APLP2: variants seen among roughly 807,000 people sequenced by gnomAD.
The protein encoded by APLP2 is amyloid beta precursor like protein 2.
APLP2 carries 53 observed loss-of-function variants against 89.9 expected under a neutral mutation model. That is an observed-to-expected ratio of 0.59 (90% CI 0.47 to 0.74). The LOEUF (loss-of-function observed/expected upper bound fraction) is 0.74, where lower values mean the gene tolerates loss of function less well. APLP2 is among the 30% of genes least tolerant of loss of function. The pLI, the probability that APLP2 is intolerant of heterozygous loss-of-function variation, is 0.00. For synonymous variants in APLP2, 372 were observed against 348.6 expected (o/e 1.07, Z -0.75); for missense variants, 973 against 975.9 (o/e 1.00, Z 0.04).
intron 1 of APLP2, among the ~76,000 whole-genome samples, chr11:130,092,119 C>T (rs1456973165): frequency 8.5e-6 from 1 of 118,082 alleles, no homozygotes; most frequent in Non-Finnish European, 1.7e-5. Flanking sequence ...ACATCTCAGA[C>T]GATGGGCGGC....
In APLP2 at chr11:130,123,343, A is replaced by G. The variant is rs561735550; in HGVS notation, c.923-269A>G. On this transcript the variant is annotated intron_variant, in intron 6 of 16. Coordinates refer to ENST00000338167, the MANE Select transcript of APLP2 (RefSeq NM_001142276.2). The surrounding 1 kb of genome is among the most constrained non-coding windows in gnomAD (Gnocchi z 4.0). Reference sequence around the variant, plus strand: ...GCTCTCGCAGCTGTGAGACAAAGGAATTGCTCTACGTCAATCTAAACTCAG... The same window carrying G: ...GCTCTCGCAGCTGTGAGACAAAGGAGTTGCTCTACGTCAATCTAAACTCAG... Among the ~76,000 whole-genome samples, 14 of 152,342 alleles carry G rather than the reference A, an allele frequency of 9.2e-5. No homozygotes were observed. Among genetic ancestry groups the G allele is most frequent in the Admixed American group, 7.2e-4 (11 of 15,308 alleles).
chr11:130,071,209 T>TA (rs60187155), intron 1 of APLP2, among the ~76,000 whole-genome samples: 21,698 of 152,214 alleles, frequency 0.14, 2,830 homozygotes, highest in African/African-American at 0.35. Context: ...AGCTTTCTTT[T>TA]AAAGACCTCA....
At chr11:130,140,698 C>T (rs1952257965) in intron 14 of APLP2, 1 of 385,108 alleles carries the variant, frequency 2.6e-6, no homozygotes, top group South Asian at 5.4e-5. Context: ...TAGCTCATCT[C>T]TTGCTATAGA....
At position 130,106,009 on chromosome 11, in the gene APLP2, T is replaced by C. The variant is rs570535448; in HGVS notation, c.106-3420T>C. Among the ~76,000 whole-genome samples the C allele has an allele frequency of 4.6e-5, 7 of 152,314 alleles. 1 individual carries two copies. The South Asian group carries it at 1.4e-3, about 32-fold the overall frequency. On this transcript the variant is annotated intron_variant, in intron 1 of 16. Transcript: ENST00000338167. ...TGAGCCCCCACGCCCGGCCGATGCC[T>C]GTGCTTTTCTCGTGCATGTCTGCAG...
chr11:130,121,883 T>C (rs1949866829), intron 5 of APLP2, 73 bp downstream of exon 5: 1 of 1,555,876 alleles, frequency 6.4e-7, no homozygotes, highest in Non-Finnish European at 8.6e-7. Context: ...GGCTGTTGGC[T>C]GCTAGTCCCT....
chr11:130,138,411 A>G (rs1185265254), intron 13 of APLP2, among the ~76,000 whole-genome samples: 2 of 152,174 alleles, frequency 1.3e-5, no homozygotes, highest in Admixed American at 6.5e-5. Flanking sequence ...ATGTTTATAG[A>G]GAAAGATGAG....
Position 130,143,640 on chromosome 11 carries a change from AAT to A in APLP2, c.*196_*197del. On this transcript the variant is annotated 3_prime_UTR_variant, in exon 17 of 17. Coordinates refer to ENST00000338167, the MANE Select transcript of APLP2 (RefSeq NM_001142276.2). ...TTCTTTTAAATGGGTGAAAAATGGT[AAT>A]ATAACAATATATGATATATAAACCT... 1 of 560,444 alleles carries A rather than the reference AAT, an allele frequency of 1.8e-6. No homozygotes were observed. 34.7% of individuals were successfully genotyped at this position (560,444 alleles called of 1,614,324 possible).
chr11:130,135,789 G>A (rs1038023115), intron 13 of APLP2, 74 bp downstream of exon 13: 43 of 1,569,770 alleles, frequency 2.7e-5, no homozygotes, highest in Middle Eastern at 1.7e-4. Flanking sequence ...TCAGTTTTTC[G>A]AAAACCAAAT....
intron 12 of APLP2, among the ~76,000 whole-genome samples, chr11:130,133,989 T>C (rs1224502747): frequency 2.0e-5 from 3 of 152,128 alleles, no homozygotes; most frequent in African/African-American, 7.2e-5. Flanking sequence ...ATATCTGGGG[T>C]GTGAAATTGC....
chr11:130,097,932 A>G (rs78408258), intron 1 of APLP2, among the ~76,000 whole-genome samples: 1 of 152,324 alleles, frequency 6.6e-6, no homozygotes, highest in East Asian at 1.9e-4. Flanking sequence ...AAGGACCATT[A>G]GCAGTTCTGT....
At chr11:130,074,362 C>T (rs548892534) in intron 1 of APLP2, among the ~76,000 whole-genome samples, 2 of 152,190 alleles carry the variant, frequency 1.3e-5, no homozygotes, top group East Asian at 3.9e-4. Context: ...ACTACAGGAG[C>T]CCACCACCAT....
chr11:130,086,306 A>ATGT (rs1944114749), intron 1 of APLP2, among the ~76,000 whole-genome samples: 2 of 152,182 alleles, frequency 1.3e-5, no homozygotes, highest in African/African-American at 4.8e-5. Context: ...GTATCTTTTC[A>ATGT]TGTTGACCAT....
At chr11:130,118,164 T>C (rs1164721903) in intron 3 of APLP2, among the ~76,000 whole-genome samples, 1 of 152,214 alleles carries the variant, frequency 6.6e-6, no homozygotes, top group Non-Finnish European at 1.5e-5. Context: ...GATGTTGCAG[T>C]TGCACATTTA....
chr11:130,078,797 C>T (rs1423603701), intron 1 of APLP2, among the ~76,000 whole-genome samples: 1 of 152,048 alleles, frequency 6.6e-6, no homozygotes, highest in Non-Finnish European at 1.5e-5. Flanking sequence ...TGGGTTCTCC[C>T]TTCTATTCCA....
At chr11:130,094,241 C>CG (rs1387256098) in intron 1 of APLP2, among the ~76,000 whole-genome samples, 1 of 151,538 alleles carries the variant, frequency 6.6e-6, no homozygotes, top group Non-Finnish European at 1.5e-5. Flanking sequence ...TTAGTAGAGA[C>CG]GGGGTTTCTC....
intron 1 of APLP2, among the ~76,000 whole-genome samples, chr11:130,084,793 T>A (rs921409504): frequency 6.6e-6 from 1 of 150,960 alleles, no homozygotes; most frequent in Admixed American, 6.6e-5. Flanking sequence ...AATCCCAAAG[T>A]GAGCAGAAGG....
intron 1 of APLP2, chr11:130,109,014 A>T (rs1948177304): frequency 6.6e-6 from 1 of 152,340 alleles, no homozygotes; most frequent in Non-Finnish European, 1.5e-5. Context: ...ACACTTGGAC[A>T]CAGGGTGGGG....
At chr11:130,114,926 C>T (rs929144002) in intron 3 of APLP2, among the ~76,000 whole-genome samples, 1 of 152,134 alleles carries the variant, frequency 6.6e-6, no homozygotes, top group African/African-American at 2.4e-5. Context: ...TTGCAGGTGT[C>T]CTTTTGCAAG....
chr11:130,102,402 AG>A (rs1272610629), intron 1 of APLP2, among the ~76,000 whole-genome samples: 4 of 152,220 alleles, frequency 2.6e-5, no homozygotes, highest in African/African-American at 9.6e-5. Context: ...TTGCCTTCGC[AG>A]GGTGAAACTT....
Sources: gnomAD v4.1 joint callset for allele counts (sites outside exome capture counted in the v4.1 genomes callset) on GRCh38, gnomAD v4.1.1 for gene constraint, Gnocchi (gnomAD v3.1) non-coding constraint, MANE v1.5 for transcripts, NCBI Gene and HGNC (gene_info 2026-07-23, HGNC 2026-07-21) for gene names.